POC1A: variants seen among roughly 807,000 people sequenced by gnomAD.
POC1A encodes the protein POC1 centriolar protein A, also known as POC1 centriolar protein homolog A.
In POC1A, 34 loss-of-function variants were observed where a neutral mutation model predicts 47.8. The observed-to-expected ratio is 0.71, with a 90% CI of 0.54 to 0.95. The LOEUF (loss-of-function observed/expected upper bound fraction) is 0.95. Ranked by LOEUF, POC1A falls within the 40% of genes least tolerant of loss-of-function variation. The probability of loss-of-function intolerance (pLI) is 0.00; values close to 1 mark genes in which losing one functional copy is unlikely to be tolerated. For missense variants in POC1A, 466 were observed against 528.3 expected (o/e 0.88, Z 1.16); for synonymous variants, 177 against 207.6 (o/e 0.85, Z 1.27).
At chr3:52,091,573 C>T (rs1307294060) in intron 10 of POC1A, among the ~76,000 whole-genome samples, 1 of 152,198 alleles carries the variant, frequency 6.6e-6, no homozygotes, top group Non-Finnish European at 1.5e-5. Context: ...CTGTGCCCTC[C>T]TCCTTCCCGG....
intron 6 of POC1A, among the ~76,000 whole-genome samples, chr3:52,143,299 A>G (rs926791041): frequency 7.3e-5 from 11 of 151,672 alleles, no homozygotes; most frequent in Non-Finnish European, 1.0e-4. Context: ...CACCTCCCCA[A>G]CCCTGCCATC....
intron 9 of POC1A, among the ~76,000 whole-genome samples, chr3:52,098,048 T>C (rs925117958): frequency 2.0e-5 from 3 of 152,212 alleles, no homozygotes; most frequent in Non-Finnish European, 4.4e-5. Flanking sequence ...TGAGGAATGG[T>C]GACTCAGACA....
chr3:52,103,667 G>GA (rs1446006755), intron 9 of POC1A, among the ~76,000 whole-genome samples: 3 of 152,070 alleles, frequency 2.0e-5, no homozygotes, highest in African/African-American at 7.2e-5. Flanking sequence ...ATCCATAAAA[G>GA]AAAAAATTGA....
intron 1 of POC1A, among the ~76,000 whole-genome samples, chr3:52,152,551 C>T (rs767919761): frequency 4.0e-4 from 61 of 151,982 alleles, no homozygotes; most frequent in Admixed American, 9.2e-4. Flanking sequence ...GCCTGGACGA[C>T]AGAGTGAGAC....
At chr3:52,088,332 G>C (rs1039411385) in intron 10 of POC1A, among the ~76,000 whole-genome samples, 1 of 152,218 alleles carries the variant, frequency 6.6e-6, no homozygotes, top group African/African-American at 2.4e-5. Context: ...TGGAGCCACT[G>C]GCTGGGCCCA....
intron 7 of POC1A, among the ~76,000 whole-genome samples, chr3:52,126,436 C>T (rs1704004383): frequency 6.6e-6 from 1 of 152,172 alleles, no homozygotes; most frequent in African/African-American, 2.4e-5. Flanking sequence ...AGTCCACCTT[C>T]GGCTCTTCCT....
At chr3:52,086,787 G>A (rs1001530947) in intron 10 of POC1A, among the ~76,000 whole-genome samples, 2 of 152,230 alleles carry the variant, frequency 1.3e-5, no homozygotes, top group African/African-American at 2.4e-5. Flanking sequence ...GATGCCCCTC[G>A]AGCAGCCTGT....
At position 52,145,847 on chromosome 3, in the gene POC1A, C is replaced by T. The variant is rs768523467; in HGVS notation, c.678G>A (p.Gln226=). 9.4e-5 allele frequency: 151 copies of T among 1,608,294 alleles called. No homozygotes were observed. Among genetic ancestry groups the T allele is most frequent in the Non-Finnish European group, 1.2e-4 (145 of 1,175,164 alleles). Residue 226 remains glutamine, a splice_region_variant and synonymous_variant, in exon 6 of 11, where the codon CAG becomes CAA. Transcript: ENST00000296484. The part of the protein sequence containing the change: ...VRTHRLLQHY[Q]LHSAAVNGLS... The stretch of plus-strand genomic sequence containing the variant: ...CCCAGGAGGCTGTTCACCACTCACA[C>T]TGATAATGCTGCAGCAGCCGGTGAG...
intron 10 of POC1A, among the ~76,000 whole-genome samples, chr3:52,094,445 A>T (rs1187285249): frequency 6.6e-6 from 1 of 152,166 alleles, no homozygotes; most frequent in Non-Finnish European, 1.5e-5. Context: ...GAAACTTTCA[A>T]CCCCCTGGTG....
chr3:52,082,120 C>A (rs899069387), intron 10 of POC1A, among the ~76,000 whole-genome samples: 2 of 151,810 alleles, frequency 1.3e-5, no homozygotes, highest in Non-Finnish European at 2.9e-5. Context: ...AGTTGCACTG[C>A]ATTTTTAAGA....
intron 9 of POC1A, among the ~76,000 whole-genome samples, chr3:52,103,988 C>T (rs1012974051): frequency 3.3e-5 from 5 of 152,150 alleles, no homozygotes; most frequent in African/African-American, 9.7e-5. Flanking sequence ...TCCACTCCTA[C>T]GTATTTACCC....
At chr3:52,150,528 A>G (rs980943305) in intron 2 of POC1A, among the ~76,000 whole-genome samples, 1 of 152,130 alleles carries the variant, frequency 6.6e-6, no homozygotes, top group African/African-American at 2.4e-5. Flanking sequence ...CTGTGTACGA[A>G]ACCTCATGCA....
At chr3:52,146,069 C>T (rs1698354688) in intron 5 of POC1A, 108 bp from the exon 6 acceptor site, 1 of 660,872 alleles carries the variant, frequency 1.5e-6, no homozygotes, top group Non-Finnish European at 2.7e-6. Context: ...CACGCTGTTC[C>T]CTTGACCCAG....
chr3:52,150,096 C>A, intron 2 of POC1A, 109 bp from the exon 3 acceptor site: 1 of 816,664 alleles, frequency 1.2e-6, no homozygotes, highest in Non-Finnish European at 1.9e-6. Context: ...TCTTCCCTGG[C>A]ATCCACAAAC....
intron 10 of POC1A, among the ~76,000 whole-genome samples, chr3:52,078,396 TA>T (rs1316507616): frequency 2.0e-5 from 3 of 151,864 alleles, no homozygotes; most frequent in African/African-American, 7.3e-5. Context: ...CCTACTTTCT[TA>T]AAAATTTTTA....
At chr3:52,152,608 TA>T (rs1431032017) in intron 1 of POC1A, among the ~76,000 whole-genome samples, 1 of 151,482 alleles carries the variant, frequency 6.6e-6, no homozygotes, top group East Asian at 1.9e-4. Flanking sequence ...ATAAATAAAA[TA>T]AAAAATAAAG....
chr3:52,115,484 C>A (rs183702213), intron 9 of POC1A, among the ~76,000 whole-genome samples: 1 of 152,174 alleles, frequency 6.6e-6, no homozygotes, highest in Non-Finnish European at 1.5e-5. Context: ...TCTCATTAAG[C>A]GACCCAAGTC....
chr3:52,087,046 A>G (rs1214383172), intron 10 of POC1A, among the ~76,000 whole-genome samples: 1 of 151,978 alleles, frequency 6.6e-6, no homozygotes, highest in Non-Finnish European at 1.5e-5. Flanking sequence ...TGTGAGGAAC[A>G]CTCACCCCAG....
At chr3:52,109,203 T>C (rs1703294738) in intron 9 of POC1A, among the ~76,000 whole-genome samples, 1 of 152,204 alleles carries the variant, frequency 6.6e-6, no homozygotes, top group East Asian at 1.9e-4. Flanking sequence ...GTGGACTAGA[T>C]ATCTGATATG....
Sources: allele counts gnomAD v4.1 joint callset (sites outside exome capture counted in the v4.1 genomes callset), GRCh38; gene constraint gnomAD v4.1.1; transcripts MANE v1.5; gene names NCBI Gene and HGNC (gene_info 2026-07-23, HGNC 2026-07-21).